PRKD1: variants seen among roughly 807,000 people sequenced by gnomAD.
The protein encoded by PRKD1 is serine/threonine-protein kinase D1.
Under a neutral mutation model 95.9 loss-of-function variants are expected in PRKD1, and 63 were observed. The ratio of observed to expected loss-of-function variants is 0.66; its 90% CI spans 0.54 to 0.81. PRKD1 has a LOEUF of 0.81. PRKD1 is among the 30% of genes least tolerant of loss of function. The probability of loss-of-function intolerance (pLI) is 0.00; values close to 1 mark genes in which losing one functional copy is unlikely to be tolerated. For missense variants in PRKD1, 1,048 were observed against 1,165.3 expected (o/e 0.90, Z 1.47); for synonymous variants, 425 against 423.1 (o/e 1.00, Z -0.05).
At chr14:29,641,362 AAT>A (rs1880750553) in intron 4 of PRKD1, among the ~76,000 whole-genome samples, 1 of 152,212 alleles carries the variant, frequency 6.6e-6, no homozygotes, top group African/African-American at 2.4e-5. Flanking sequence ...TACAGTCTGA[AAT>A]ATGTCATTAT....
intron 1 of PRKD1, among the ~76,000 whole-genome samples, chr14:29,827,725 T>A (rs1320475671): frequency 6.6e-6 from 1 of 152,200 alleles, no homozygotes; most frequent in Non-Finnish European, 1.5e-5. Flanking sequence ...CTATTATATA[T>A]TCTCTGGTTT....
At chr14:29,839,029 T>A (rs1340146223) in intron 1 of PRKD1, among the ~76,000 whole-genome samples, 1 of 152,036 alleles carries the variant, frequency 6.6e-6, no homozygotes, top group Non-Finnish European at 1.5e-5. Flanking sequence ...ATAATCCTTT[T>A]AAGAAGGGAT....
intron 13 of PRKD1, among the ~76,000 whole-genome samples, chr14:29,620,573 A>G (rs1879180453): frequency 6.7e-6 from 1 of 148,828 alleles, no homozygotes; most frequent in Admixed American, 6.7e-5. Flanking sequence ...ACACATGAAA[A>G]AATGCTCATC....
At chr14:29,780,474 C>A (rs185672325) in intron 1 of PRKD1, among the ~76,000 whole-genome samples, 1 of 152,068 alleles carries the variant, frequency 6.6e-6, no homozygotes, top group African/African-American at 2.4e-5. Context: ...AAAAAGTGGG[C>A]AAAGGATATG....
At chr14:29,831,151 G>A (rs141487231) in intron 1 of PRKD1, among the ~76,000 whole-genome samples, 2 of 152,108 alleles carry the variant, frequency 1.3e-5, no homozygotes, top group Non-Finnish European at 2.9e-5. Flanking sequence ...AGTGCTCTAC[G>A]TGGTTGATTT....
chr14:29,862,696 T>G (rs1007503352), intron 1 of PRKD1, among the ~76,000 whole-genome samples: 24 of 152,326 alleles, frequency 1.6e-4, no homozygotes, highest in African/African-American at 5.8e-4. Flanking sequence ...TCTTTCCCCA[T>G]GTTTTAATCA....
chr14:29,791,399 A>C (rs976593630), intron 1 of PRKD1, among the ~76,000 whole-genome samples: 2 of 152,162 alleles, frequency 1.3e-5, no homozygotes, highest in Admixed American at 1.3e-4. Flanking sequence ...GTAACACTGA[A>C]ATTACCAGAT....
intron 1 of PRKD1, among the ~76,000 whole-genome samples, chr14:29,826,842 CACATATATATATATATATAT>C (rs1891206035): frequency 1.5e-4 from 3 of 19,866 alleles, no homozygotes; most frequent in African/African-American, 2.0e-4. Context: ...TATATATACA[CACATATATATATATATATAT>C]ATATATATAT....
chr14:29,820,159 T>A (rs928878199), intron 1 of PRKD1, among the ~76,000 whole-genome samples: 2 of 152,118 alleles, frequency 1.3e-5, no homozygotes, highest in Non-Finnish European at 2.9e-5. Context: ...CCCCTGGAAA[T>A]AAGGTTCATT....
At chr14:29,650,271 G>A (rs986535602) in intron 4 of PRKD1, 1 of 152,388 alleles carries the variant, frequency 6.6e-6, no homozygotes, top group Non-Finnish European at 1.5e-5. Context: ...TGTCCTTAGG[G>A]ATGGGTCCTG....
chr14:29,709,896 C>A (rs759639817), intron 2 of PRKD1, among the ~76,000 whole-genome samples: 7 of 152,076 alleles, frequency 4.6e-5, no homozygotes, highest in Admixed American at 6.6e-5. Flanking sequence ...ACAGACACAC[C>A]GGGAATAACC....
At chr14:29,857,316 G>C (rs988307143) in intron 1 of PRKD1, among the ~76,000 whole-genome samples, 1 of 151,812 alleles carries the variant, frequency 6.6e-6, no homozygotes, top group African/African-American at 2.4e-5. Context: ...GCTTATAAAA[G>C]GCAGAAAATA....
chr14:29,856,252 T>G (rs79792714), intron 1 of PRKD1, among the ~76,000 whole-genome samples: 6,198 of 152,262 alleles, frequency 0.041, 406 homozygotes, highest in African/African-American at 0.14. Flanking sequence ...AGTTTTTCAC[T>G]TGAGACAAGC....
At chr14:29,698,695 T>C (rs1425422988) in intron 2 of PRKD1, among the ~76,000 whole-genome samples, 1 of 151,928 alleles carries the variant, frequency 6.6e-6, no homozygotes, top group Non-Finnish European at 1.5e-5. Context: ...CACAGCTCCA[T>C]GCAATGTGTG....
At chr14:29,843,341 T>C (rs1344498778) in intron 1 of PRKD1, among the ~76,000 whole-genome samples, 1 of 152,162 alleles carries the variant, frequency 6.6e-6, no homozygotes, top group Admixed American at 6.5e-5. Context: ...GAAAATAAAC[T>C]TCTATTGTTT....
chr14:29,649,142 A>G (rs1430922561), intron 4 of PRKD1, among the ~76,000 whole-genome samples: 5 of 152,184 alleles, frequency 3.3e-5, no homozygotes, highest in Non-Finnish European at 1.5e-5. Context: ...TGACTCTGGC[A>G]TGGCCAGACT....
At chr14:29,900,425 A>G (rs1642238538) in intron 1 of PRKD1, among the ~76,000 whole-genome samples, 1 of 152,150 alleles carries the variant, frequency 6.6e-6, no homozygotes, top group Non-Finnish European at 1.5e-5. Context: ...AGCAGTTTAA[A>G]AGGTAAAGCA....
At chr14:29,913,936 C>T (rs1594623747) in intron 1 of PRKD1, among the ~76,000 whole-genome samples, 1 of 152,084 alleles carries the variant, frequency 6.6e-6, no homozygotes, top group South Asian at 2.1e-4. Flanking sequence ...ACCAGTAACT[C>T]GTGAAAAGAG....
At chr14:29,600,907 C>A (rs1355953454) in intron 13 of PRKD1, among the ~76,000 whole-genome samples, 2 of 151,204 alleles carry the variant, frequency 1.3e-5, no homozygotes, top group African/African-American at 2.5e-5. Flanking sequence ...TGCACAACAA[C>A]AAATCCTAAC....
Sources: allele counts gnomAD v4.1 joint callset (sites outside exome capture counted in the v4.1 genomes callset), GRCh38; gene constraint gnomAD v4.1.1; transcripts MANE v1.5; gene names NCBI Gene and HGNC (gene_info 2026-07-23, HGNC 2026-07-21).